Variants in PPP3CA observed in about 807,000 individuals in gnomAD.
The protein encoded by PPP3CA is protein phosphatase 3 catalytic subunit alpha, also known as CAM-PRP catalytic subunit.
In PPP3CA, 14 loss-of-function variants were observed where a neutral mutation model predicts 66.5. The ratio of observed to expected loss-of-function variants is 0.21; its 90% CI spans 0.14 to 0.33. The LOEUF (loss-of-function observed/expected upper bound fraction) is 0.33. Ranked by LOEUF, PPP3CA falls within the 10% of genes least tolerant of loss-of-function variation. The pLI, the probability that PPP3CA is intolerant of heterozygous loss-of-function variation, is 1.00. For synonymous variants in PPP3CA, 232 were observed against 226.2 expected (o/e 1.03, Z -0.23); for missense variants, 317 against 639.5 (o/e 0.50, Z 5.44).
intron 2 of PPP3CA, among the ~76,000 whole-genome samples, chr4:101,184,425 C>T (rs1169408160): frequency 6.6e-6 from 1 of 151,900 alleles, no homozygotes; most frequent in Non-Finnish European, 1.5e-5. Context: ...CCACAAGTGG[C>T]AATTGAGCAC....
intron 2 of PPP3CA, among the ~76,000 whole-genome samples, chr4:101,124,989 CTGTT>C (rs1452452056): frequency 6.6e-6 from 1 of 152,190 alleles, no homozygotes; most frequent in Admixed American, 6.5e-5. Flanking sequence ...ATTCTTTTCA[CTGTT>C]TGTAAATATA....
intron 2 of PPP3CA, among the ~76,000 whole-genome samples, chr4:101,109,770 A>G (rs1721609487): frequency 6.6e-6 from 1 of 152,130 alleles, no homozygotes; most frequent in Non-Finnish European, 1.5e-5. Flanking sequence ...AATACAAAAA[A>G]AATTACTGGG....
At chr4:101,272,668 T>A (rs560724109) in intron 1 of PPP3CA, among the ~76,000 whole-genome samples, 62 of 152,328 alleles carry the variant, frequency 4.1e-4, no homozygotes, top group African/African-American at 1.5e-3. Flanking sequence ...TGGACAATAA[T>A]GTTATCTACC....
chr4:101,095,172 G>T (rs77292892), intron 5 of PPP3CA, among the ~76,000 whole-genome samples: 25,265 of 152,010 alleles, frequency 0.17, 2,929 homozygotes, highest in African/African-American at 0.32. Context: ...TTGTTTAAGA[G>T]ATTTAAATAA....
At chr4:101,289,098 T>C (rs971257356) in intron 1 of PPP3CA, among the ~76,000 whole-genome samples, 6 of 152,232 alleles carry the variant, frequency 3.9e-5, no homozygotes, top group Non-Finnish European at 7.3e-5. Context: ...AAACCCATTA[T>C]AAATGTAATT....
chr4:101,144,991 T>A (rs1722924196), intron 2 of PPP3CA, among the ~76,000 whole-genome samples: 1 of 152,148 alleles, frequency 6.6e-6, no homozygotes, highest in Non-Finnish European at 1.5e-5. Flanking sequence ...TAGAAATACT[T>A]CCCTTTGATT....
At chr4:101,094,574 T>C (rs1730110558) in intron 5 of PPP3CA, among the ~76,000 whole-genome samples, 1 of 152,158 alleles carries the variant, frequency 6.6e-6, no homozygotes, top group African/African-American at 2.4e-5. Context: ...GGTACAAATA[T>C]GAGTAATGAT....
chr4:101,187,568 G>C (rs572362374), intron 2 of PPP3CA, among the ~76,000 whole-genome samples: 4 of 152,302 alleles, frequency 2.6e-5, no homozygotes, highest in African/African-American at 9.6e-5. Flanking sequence ...AGGCAAAGCA[G>C]TGGTTGAGAT....
chr4:101,078,119 C>T (rs552385761), intron 8 of PPP3CA, among the ~76,000 whole-genome samples: 50 of 152,034 alleles, frequency 3.3e-4, no homozygotes, highest in African/African-American at 1.2e-3. Flanking sequence ...ATTTCCTTCC[C>T]TCAGTTTAAT....
chr4:101,245,802 G>C (rs1726458069), intron 1 of PPP3CA, among the ~76,000 whole-genome samples: 1 of 151,690 alleles, frequency 6.6e-6, no homozygotes, highest in South Asian at 2.1e-4. Context: ...TTCTCACTGT[G>C]TATATTAACA....
chr4:101,209,219 A>AT (rs1278623197), intron 1 of PPP3CA, among the ~76,000 whole-genome samples: 3 of 152,158 alleles, frequency 2.0e-5, no homozygotes, highest in Admixed American at 1.3e-4. Flanking sequence ...AAAATAAACA[A>AT]TTTTTTATGA....
Position 101,032,249 on chromosome 4 carries a change from A to G in PPP3CA, c.1339+18T>C. ...CTGCGATGCCCCAGCACACAGTCATACCCATCAGCCTGCTTACCGCTTTGC... is the reference window on the plus strand; with the variant it reads ...CTGCGATGCCCCAGCACACAGTCATGCCCATCAGCCTGCTTACCGCTTTGC... On this transcript the variant is annotated intron_variant, in intron 12 of 13. Transcript: ENST00000394854. The G allele has an allele frequency of 1.3e-6, 2 of 1,571,098 alleles. No individual in the cohort carries two copies. The highest frequency in any genetic ancestry group is 1.7e-6 in the Non-Finnish European group (2 of 1,156,706).
intron 2 of PPP3CA, among the ~76,000 whole-genome samples, chr4:101,119,181 TATTTTTCC>T (rs1307892404): frequency 6.6e-6 from 1 of 151,986 alleles, no homozygotes; most frequent in Non-Finnish European, 1.5e-5. Context: ...AGTTGTTCTA[TATTTTTCC>T]ACATTTTATC....
At chr4:101,195,027 C>A (rs1724740980) in intron 2 of PPP3CA, among the ~76,000 whole-genome samples, 1 of 152,012 alleles carries the variant, frequency 6.6e-6, no homozygotes, top group Non-Finnish European at 1.5e-5. Flanking sequence ...AATCCCAGCA[C>A]TTTGGGAGGC....
chr4:101,154,502 G>A (rs1378968790), intron 2 of PPP3CA, among the ~76,000 whole-genome samples: 4 of 152,120 alleles, frequency 2.6e-5, no homozygotes, highest in Non-Finnish European at 4.4e-5. Context: ...CTATGCTATG[G>A]GGCAATAAAA....
intron 1 of PPP3CA, among the ~76,000 whole-genome samples, chr4:101,301,734 A>G (rs1019557703): frequency 6.7e-6 from 1 of 148,588 alleles, no homozygotes; most frequent in Non-Finnish European, 1.5e-5. Context: ...CTCGTGATCC[A>G]CCCGCCTCAG....
intron 1 of PPP3CA, among the ~76,000 whole-genome samples, chr4:101,263,460 C>A (rs912148193): frequency 1.3e-5 from 2 of 152,166 alleles, no homozygotes; most frequent in African/African-American, 2.4e-5. Flanking sequence ...TTTGTTAATA[C>A]TTCCTTCACA....
At chr4:101,229,826 C>T (rs1725902191) in intron 1 of PPP3CA, among the ~76,000 whole-genome samples, 1 of 151,296 alleles carries the variant, frequency 6.6e-6, no homozygotes. Flanking sequence ...GTAGACAGTG[C>T]TTTGTGAGTA....
chr4:101,172,882 T>TG (rs1183275019), intron 2 of PPP3CA, among the ~76,000 whole-genome samples: 1 of 152,164 alleles, frequency 6.6e-6, no homozygotes, highest in African/African-American at 2.4e-5. Context: ...CTTCAAAACT[T>TG]GCAATGCTAC....
Sources: gnomAD v4.1 joint callset for allele counts (sites outside exome capture counted in the v4.1 genomes callset) on GRCh38, gnomAD v4.1.1 for gene constraint, MANE v1.5 for transcripts, NCBI Gene and HGNC (gene_info 2026-07-23, HGNC 2026-07-21) for gene names.